GAREM2: variants seen among roughly 807,000 people sequenced by gnomAD.
GAREM2 encodes GRB2-associated and regulator of MAPK protein 2.
Under a neutral mutation model 55.6 loss-of-function variants are expected in GAREM2, and 30 were observed. That is an observed-to-expected ratio of 0.54 (90% CI 0.40 to 0.73). GAREM2 has a LOEUF of 0.73. Among genes scored for constraint, GAREM2 ranks in the 30% least tolerant of loss-of-function variants. The probability of loss-of-function intolerance (pLI) is 0.00; values close to 1 mark genes in which losing one functional copy is unlikely to be tolerated. For missense variants in GAREM2, 1,075 were observed against 1,257.7 expected, an observed-to-expected ratio of 0.85 and a Z score of 2.20; for synonymous variants, 550 against 569.1, an observed-to-expected ratio of 0.97 and a Z score of 0.48.
chr2:26,180,243 C>G (rs1669001404), intron 2 of GAREM2, among the ~76,000 whole-genome samples: 1 of 152,212 alleles, frequency 6.6e-6, no homozygotes, highest in Non-Finnish European at 1.5e-5. Context: ...TAACCCTGCA[C>G]CATGGGTGTC....
chr2:26,198,947 T>C, the GAREM2 span, among the ~76,000 whole-genome samples: 1 of 151,298 alleles, frequency 6.6e-6, no homozygotes, highest in Admixed American at 6.6e-5. Flanking sequence ...CAGGCTAGAG[T>C]GCAGTGGTGC....
At chr2:26,194,060 T>A (rs1669590191), downstream of GAREM2, among the ~76,000 whole-genome samples, 2 of 152,212 alleles carry the variant, frequency 1.3e-5, no homozygotes, top group South Asian at 4.1e-4. Context: ...ATAAGGAGAT[T>A]GCATGACAGA....
rs1240003682 is a variant in GAREM2, at chr2:26,185,254, C to T, written c.1406C>T (p.Pro469Leu). Residue 469 changes from proline (P) to leucine (L), a missense_variant, in exon 4 of 6, where the codon CCA becomes CTA. Transcript: ENST00000401533. ...PRREPEAPPP[P>L]VPPKSEAVKE... The stretch of plus-strand genomic sequence containing the variant: ...CGGGAGCCGGAAGCGCCGCCGCCTC[C>T]AGTCCCTCCCAAATCCGAGGCGGTG... 5.3e-6 allele frequency: 8 copies of T among 1,520,942 alleles called. No individual in the cohort carries two copies. The highest frequency in any genetic ancestry group is 7.0e-6 in the Non-Finnish European group (8 of 1,141,160). 94.2% of individuals were successfully genotyped at this position (1,520,942 alleles called of 1,614,324 possible). A position where few individuals can be genotyped will look rare whatever the true frequency, so the allele number is the denominator to read the frequency against.
intron 1 of GAREM2, 79 bp from the exon 2 acceptor site, chr2:26,176,265 C>G: frequency 1.5e-6 from 2 of 1,368,514 alleles, no homozygotes; most frequent in Non-Finnish European, 1.9e-6. Context: ...TTGGTGAGGA[C>G]GTCACTATCT....
chr2:26,176,959 C>A (rs988002900), intron 2 of GAREM2, among the ~76,000 whole-genome samples: 16 of 152,132 alleles, frequency 1.1e-4, no homozygotes, highest in African/African-American at 3.9e-4. Context: ...TTGCGTTAAA[C>A]CTATTGTTTC....
downstream of GAREM2, chr2:26,192,503 C>T (rs1042925594): frequency 1.2e-5 from 10 of 862,750 alleles, no homozygotes; most frequent in African/African-American, 1.3e-4. Context: ...GAACCCTGGC[C>T]TGGCCAGGCG....
chr2:26,185,005 G>C lies in GAREM2; in HGVS notation c.1157G>C (p.Arg386Pro). The part of the protein sequence containing the change: ...RRARLCLPAP[R>P]APGLARAPGP... ...GCGCGCCTCTGCCTGCCCGCGCCGCGCGCCCCCGGGCTCGCCCGCGCCCCC... is the reference window on the plus strand; with the variant it reads ...GCGCGCCTCTGCCTGCCCGCGCCGCCCGCCCCCGGGCTCGCCCGCGCCCCC... The change falls in exon 4 of 6, where the codon CGC becomes CCC. Residue 386 changes from arginine to proline, a missense_variant. Arg to Pro is a moderately radical substitution (Grantham distance 103). This residue lies in a region of GAREM2 where 515 missense variants were observed against 501.5 expected (regional missense o/e 1.03). Coordinates refer to ENST00000401533, the MANE Select transcript of GAREM2 (RefSeq NM_001168241.2). The C allele has an allele frequency of 9.1e-7, 1 of 1,101,744 alleles. No homozygotes were observed. The highest frequency in any genetic ancestry group is 1.1e-6 in the Non-Finnish European group (1 of 906,050). 68.2% of individuals were successfully genotyped at this position (1,101,744 alleles called of 1,614,324 possible).
chr2:26,197,828 T>C, the GAREM2 span: 3 of 915,788 alleles, frequency 3.3e-6, no homozygotes, highest in Non-Finnish European at 5.5e-6. Flanking sequence ...GGGAGATGAT[T>C]AGAGGCCACA....
downstream of GAREM2, chr2:26,192,386 C>T (rs751082827): frequency 5.0e-6 from 8 of 1,607,802 alleles, 1 homozygote; most frequent in Admixed American, 8.3e-5. Context: ...CTCTTCACAC[C>T]CTCCTGATAG....
chr2:26,182,559 G>A, intron 2 of GAREM2: 1 of 1,468,156 alleles, frequency 6.8e-7, no homozygotes, highest in South Asian at 1.2e-5. Flanking sequence ...AGAGGGAAAG[G>A]AACTTGTCAC....
At chr2:26,190,895 G>A (rs539549041), downstream of GAREM2, 309 of 384,776 alleles carry the variant, frequency 8.0e-4, no homozygotes, top group Middle Eastern at 9.0e-3. Context: ...GGTTTTTATT[G>A]TTATGTGTTT....
In GAREM2 at chr2:26,183,106, C is replaced by T; in HGVS notation, c.384+9C>T. ...TCACCTTCAGCGTCAAGGTCAGTCA[C>T]TCCCTCACCAGGTGTGGTGTCCCCA... On this transcript the variant is annotated intron_variant, in intron 3 of 5. Coordinates refer to ENST00000401533, the MANE Select transcript of GAREM2 (RefSeq NM_001168241.2). 1 of 1,551,610 alleles carries T rather than the reference C, an allele frequency of 6.4e-7. No individual in the cohort carries two copies. The highest frequency in any genetic ancestry group is 8.7e-7 in the Non-Finnish European group (1 of 1,146,924).
the GAREM2 span, among the ~76,000 whole-genome samples, chr2:26,196,316 A>C: frequency 6.6e-6 from 1 of 152,180 alleles, no homozygotes; most frequent in Admixed American, 6.5e-5. Flanking sequence ...TAACCCCTAA[A>C]GTGTTCTTTT....
chr2:26,174,174 G>T (rs1046447873), intron 1 of GAREM2, among the ~76,000 whole-genome samples: 37 of 152,178 alleles, frequency 2.4e-4, no homozygotes, highest in African/African-American at 7.2e-4. Flanking sequence ...TGGGGCCCGC[G>T]GCCGCAGGCT....
rs962877666 is a variant in GAREM2, at chr2:26,184,306, T to C, written c.458T>C (p.Leu153Pro). Residue 153 changes from leucine (L) to proline (P), a missense_variant, in exon 4 of 6, where the codon CTT (leucine) becomes CCT (proline). Physicochemically the swap from Leu to Pro is moderately conservative, Grantham distance 98. Around this residue, in one of 6 missense-constraint regions of GAREM2, gnomAD observed 230 missense variants for 310.6 expected, o/e 0.74. Transcript: ENST00000401533. ...CTGCATGCGGGCGACGAGCTCACTC[T>C]TATGGGCCAGGCGGAGATCCTGTGC... ...FTLHAGDELT[L>P]MGQAEILCAK... 2.6e-5 allele frequency: 41 copies of C among 1,550,888 alleles called. No homozygotes were observed. The highest frequency in any genetic ancestry group is 3.5e-5 in the Non-Finnish European group (40 of 1,146,826).
downstream of GAREM2, chr2:26,190,784 G>GCACA (rs146500488): frequency 7.9e-6 from 2 of 252,040 alleles, no homozygotes; most frequent in Non-Finnish European, 1.6e-5. Flanking sequence ...CTAGAATTCT[G>GCACA]CACACACATT....
chr2:26,191,455 A>G (rs1192067917), downstream of GAREM2: 1 of 1,614,154 alleles, frequency 6.2e-7, no homozygotes, highest in South Asian at 1.1e-5. Flanking sequence ...GGCTAAAGTG[A>G]GCTTCCTTCC....
chr2:26,187,642 G>T lies in GAREM2; in HGVS notation c.2010G>T (p.Ser670=). ...SGPAYSPGPA[S]PGQAYSAAPP... ...CTGCGTATTCCCCAGGCCCAGCCTC[G>T]CCAGGCCAGGCCTATTCAGCTGCTC... The change falls in exon 6 of 6, where the codon TCG becomes TCT. Residue 670 remains serine, a synonymous_variant. Transcript: ENST00000401533. The T allele has an allele frequency of 6.5e-7, 1 of 1,543,708 alleles. No individual in the cohort carries two copies.
chr2:26,204,120 T>A, the GAREM2 span: 11 of 1,613,744 alleles, frequency 6.8e-6, no homozygotes, highest in Admixed American at 8.3e-5. Context: ...TCTTTAAGTA[T>A]AGTCTTTAGC....
Sources: gnomAD v4.1 joint callset for allele counts (sites outside exome capture counted in the v4.1 genomes callset) on GRCh38, gnomAD v4.1.1 for gene constraint, gnomAD v4.1.1 regional missense constraint, MANE v1.5 for transcripts, NCBI Gene and HGNC (gene_info 2026-07-23, HGNC 2026-07-21) for gene names.